Variants in RGS6 observed in about 807,000 individuals in gnomAD.
RGS6 encodes the protein regulator of G protein signaling 6.
In RGS6, 30 loss-of-function variants were observed where a neutral mutation model predicts 78.5. That is an observed-to-expected ratio of 0.38 (90% CI 0.29 to 0.52). The LOEUF (loss-of-function observed/expected upper bound fraction) is 0.52, where lower values mean the gene tolerates loss of function less well. RGS6 is among the 20% of genes least tolerant of loss of function. RGS6 has a pLI of 0.85. For synonymous variants in RGS6, 206 were observed against 206.0 expected, an observed-to-expected ratio of 1.00 and a Z score of 0.00; for missense variants, 495 against 609.7, an observed-to-expected ratio of 0.81 and a Z score of 1.98.
Position 72,213,354 on chromosome 14 carries a change from A to G in RGS6, c.85-138741A>G, listed in dbSNP as rs565586681. Among the ~76,000 whole-genome samples the G allele has an allele frequency of 9.8e-5, 15 of 152,298 alleles. No individual in the cohort carries two copies. In the South Asian group the frequency reaches 3.1e-3, roughly 32 times the overall value. On this transcript the variant is annotated intron_variant, in intron 2 of 17. Transcript: ENST00000553525. ...ACTGTATACTAGGCTAAGTCACCAC[A>G]TGACGTATGTAAGATTCACAGAGGA...
the RGS6 span, chr14:72,619,225 G>A: frequency 1.2e-5 from 17 of 1,436,574 alleles, no homozygotes; most frequent in East Asian, 2.2e-4. Flanking sequence ...GTGGGAGGAG[G>A]GCGCGTTCTG....
chr14:72,138,173 A>G (rs1043549425), intron 2 of RGS6, among the ~76,000 whole-genome samples: 2 of 152,202 alleles, frequency 1.3e-5, no homozygotes, highest in Non-Finnish European at 2.9e-5. Flanking sequence ...AAAGATACAA[A>G]TATGGAATCT....
rs867530295 is a variant in RGS6, at chr14:71,960,899, A to G, written c.-20-3873A>G. 7.9e-5 allele frequency among the ~76,000 whole-genome samples: 12 copies of G among 152,322 alleles called. 1 individual carries two copies. The Middle Eastern group carries it at 0.017, about 216-fold the overall frequency. ...TCTGTGCCATCATAATTGAGCAACC[A>G]CATATTACAGTGTCCTTTCTGTGAA... On this transcript the variant is annotated intron_variant, in intron 1 of 17. Transcript: ENST00000553525.
At chr14:72,108,600 T>C (rs2095684735) in intron 2 of RGS6, among the ~76,000 whole-genome samples, 1 of 152,028 alleles carries the variant, frequency 6.6e-6, no homozygotes, top group Admixed American at 6.6e-5. Context: ...AGGCTTCTTA[T>C]CTTTCTTAAG....
At chr14:72,033,658 T>C (rs2091255864) in intron 2 of RGS6, among the ~76,000 whole-genome samples, 1 of 152,176 alleles carries the variant, frequency 6.6e-6, no homozygotes, top group Non-Finnish European at 1.5e-5. Context: ...GATCAAAATT[T>C]AAAGCATGGT....
At chr14:72,065,728 T>C (rs1353248755) in intron 2 of RGS6, among the ~76,000 whole-genome samples, 1 of 152,216 alleles carries the variant, frequency 6.6e-6, no homozygotes, top group Non-Finnish European at 1.5e-5. Context: ...CATTTGTACA[T>C]GAATTGGCTT....
chr14:72,360,208 T>C (rs2081179771), intron 3 of RGS6, among the ~76,000 whole-genome samples: 1 of 151,976 alleles, frequency 6.6e-6, no homozygotes. Flanking sequence ...TAGAAACACA[T>C]ACAATTTATT....
chr14:72,263,030 C>T (rs2058440465), intron 2 of RGS6, among the ~76,000 whole-genome samples: 1 of 152,094 alleles, frequency 6.6e-6, no homozygotes, highest in Non-Finnish European at 1.5e-5. Context: ...CTGCCCCCGC[C>T]TGGGTTAGGG....
the RGS6 span, among the ~76,000 whole-genome samples, chr14:72,602,403 A>G: frequency 6.6e-6 from 1 of 152,210 alleles, no homozygotes. Context: ...CGGCAACCCT[A>G]CAAAGTAGGT....
chr14:72,397,234 G>C (rs2091521411), intron 3 of RGS6, among the ~76,000 whole-genome samples: 3 of 152,168 alleles, frequency 2.0e-5, no homozygotes, highest in African/African-American at 7.2e-5. Context: ...TTTAGTAGTG[G>C]TTTGTAGTTC....
At chr14:72,336,882 C>CT (rs1007814869) in intron 2 of RGS6, among the ~76,000 whole-genome samples, 1 of 152,162 alleles carries the variant, frequency 6.6e-6, no homozygotes, top group Non-Finnish European at 1.5e-5. Context: ...TTCACAGTAT[C>CT]TTCCCTCTGT....
intron 1 of RGS6, among the ~76,000 whole-genome samples, chr14:71,952,123 C>G (rs924675189): frequency 6.6e-6 from 1 of 151,720 alleles, no homozygotes; most frequent in Admixed American, 6.6e-5. Context: ...TTTTTCTTGC[C>G]TGTTGTATAG....
chr14:71,908,017 G>A, the RGS6 span: 1 of 152,196 alleles, frequency 6.6e-6, no homozygotes, highest in South Asian at 2.1e-4. Flanking sequence ...TGAAAATGAA[G>A]CACAAGTGAA....
At chr14:72,217,815 T>C (rs376682429) in intron 2 of RGS6, among the ~76,000 whole-genome samples, 5 of 152,182 alleles carry the variant, frequency 3.3e-5, no homozygotes, top group South Asian at 2.1e-4. Flanking sequence ...ATTATAAAAT[T>C]TGGAGATTTA....
chr14:72,497,190 C>A (rs1292062736), intron 13 of RGS6, among the ~76,000 whole-genome samples: 1 of 152,148 alleles, frequency 6.6e-6, no homozygotes, highest in African/African-American at 2.4e-5. Flanking sequence ...TGTAACACAT[C>A]TTTTTCATTC....
Position 72,254,783 on chromosome 14 carries a change from G to A in RGS6, c.85-97312G>A, listed in dbSNP as rs188254816. 2.5e-3 allele frequency among the ~76,000 whole-genome samples: 374 copies of A among 152,258 alleles called. 2 individuals are homozygous for A. Among genetic ancestry groups the A allele is most frequent in the African/African-American group, 8.8e-3 (365 of 41,560 alleles). ...AAGGCAGTATCCCTTTGTTGCCAGA[G>A]AACATCCAGTCCCTGTACAAGTCTG... On this transcript the variant is annotated intron_variant, in intron 2 of 17. Coordinates refer to ENST00000553525, the MANE Select transcript of RGS6 (RefSeq NM_001204424.2).
chr14:72,337,611 C>T (rs1420067106), intron 2 of RGS6, among the ~76,000 whole-genome samples: 1 of 152,164 alleles, frequency 6.6e-6, no homozygotes, highest in African/African-American at 2.4e-5. Context: ...AGGCCATCTC[C>T]CTCCTAAATG....
intron 17 of RGS6, among the ~76,000 whole-genome samples, chr14:72,547,545 A>G (rs921559595): frequency 6.6e-6 from 1 of 152,180 alleles, no homozygotes; most frequent in Non-Finnish European, 1.5e-5. Context: ...ATAGCCTGTA[A>G]GATGTTGCCC....
chr14:72,305,628 C>A (rs773739452), intron 2 of RGS6, among the ~76,000 whole-genome samples: 1 of 152,142 alleles, frequency 6.6e-6, no homozygotes, highest in Non-Finnish European at 1.5e-5. Flanking sequence ...AGATGGAGAA[C>A]TTAATAAATG....
Sources: gnomAD v4.1 joint callset for allele counts (sites outside exome capture counted in the v4.1 genomes callset) on GRCh38, gnomAD v4.1.1 for gene constraint, MANE v1.5 for transcripts, NCBI Gene and HGNC (gene_info 2026-07-23, HGNC 2026-07-21) for gene names.